LIMS1: variants seen among roughly 807,000 people sequenced by gnomAD.
The protein encoded by LIMS1 is LIM zinc finger domain containing 1, also known as LIM and senescent cell antigen-like-containing domain protein 1.
A neutral mutation model predicts 44.1 loss-of-function variants in LIMS1; 18 were observed. That is an observed-to-expected ratio of 0.41 (90% CI 0.28 to 0.61). The LOEUF (loss-of-function observed/expected upper bound fraction) is 0.61, where lower values mean the gene tolerates loss of function less well. Ranked by LOEUF, LIMS1 falls within the 20% of genes least tolerant of loss-of-function variation. LIMS1 has a pLI of 0.32. For missense variants in LIMS1, 201 were observed against 422.0 expected (o/e 0.48, Z 4.59); for synonymous variants, 93 against 149.1 (o/e 0.62, Z 2.74).
At chr2:108,635,499 A>G (rs1245978884) in intron 1 of LIMS1, among the ~76,000 whole-genome samples, 1 of 150,402 alleles carries the variant, frequency 6.6e-6, no homozygotes, top group Non-Finnish European at 1.5e-5. Flanking sequence ...GGTGGAATTC[A>G]AGACCAGCCT....
intron 5 of LIMS1, chr2:108,673,457 G>C (rs1692278792): frequency 4.2e-6 from 1 of 235,676 alleles, no homozygotes. Context: ...GGCAATCAGA[G>C]CTCACTGCAG....
chr2:108,664,418 A>T (rs1316305300), intron 2 of LIMS1, among the ~76,000 whole-genome samples: 1 of 152,206 alleles, frequency 6.6e-6, no homozygotes, highest in Non-Finnish European at 1.5e-5. Context: ...CCCCACACAG[A>T]GCGACCCATT....
At chr2:108,686,339 T>C (rs1156864414) in exon 10 of LIMS1, 3 of 151,028 alleles carry the variant, frequency 2.0e-5, no homozygotes, top group Non-Finnish European at 4.4e-5. Flanking sequence ...AATAAATAAA[T>C]TATGAATGAG....
chr2:108,597,227 C>CT lies in LIMS1; in HGVS notation c.33-62369dup, dbSNP rs1250176547. 4.6e-5 allele frequency among the ~76,000 whole-genome samples: 7 copies of CT among 151,244 alleles called. No individual in the cohort carries two copies. In the South Asian group the frequency reaches 6.3e-4, roughly 14 times the overall value. ...CTTGGTCAAAACATCTTAATTTGAC[C>CT]TTTTTTTTTATTCACAGACCACTTT... On this transcript the variant is annotated intron_variant, in intron 1 of 9. Transcript: ENST00000544547.
At chr2:108,639,707 T>C (rs1293176231) in intron 1 of LIMS1, among the ~76,000 whole-genome samples, 1 of 152,174 alleles carries the variant, frequency 6.6e-6, no homozygotes, top group Non-Finnish European at 1.5e-5. Flanking sequence ...CACTTTGGCC[T>C]CCCAAAGTGC....
At chr2:108,671,563 G>A (rs1005094085) in intron 3 of LIMS1, among the ~76,000 whole-genome samples, 12 of 152,160 alleles carry the variant, frequency 7.9e-5, no homozygotes, top group African/African-American at 2.9e-4. Context: ...TTGCTTGCAC[G>A]TTGGCCACTT....
At chr2:108,637,863 AT>A (rs11312101) in intron 1 of LIMS1, among the ~76,000 whole-genome samples, 84,588 of 143,776 alleles carry the variant, frequency 0.59, 25,326 homozygotes, top group African/African-American at 0.71. Flanking sequence ...AAATTTTAAG[AT>A]TTTTTTTTTT....
At chr2:108,552,208 A>G (rs1684769053) in intron 1 of LIMS1, among the ~76,000 whole-genome samples, 1 of 144,476 alleles carries the variant, frequency 6.9e-6, no homozygotes. Flanking sequence ...AAAATATACA[A>G]TATATAATAC....
chr2:108,612,053 C>CAT (rs113417984), intron 1 of LIMS1, among the ~76,000 whole-genome samples: 125 of 89,288 alleles, frequency 1.4e-3, no homozygotes, highest in Middle Eastern at 5.2e-3. Context: ...CACACACACA[C>CAT]ATATATATAT....
intron 1 of LIMS1, among the ~76,000 whole-genome samples, chr2:108,601,458 A>G (rs1687011871): frequency 6.6e-6 from 1 of 152,160 alleles, no homozygotes; most frequent in Non-Finnish European, 1.5e-5. Context: ...GACTGGGCTT[A>G]AGGAACACAA....
At chr2:108,627,913 C>T (rs1688672833) in intron 1 of LIMS1, among the ~76,000 whole-genome samples, 1 of 152,162 alleles carries the variant, frequency 6.6e-6, no homozygotes, top group African/African-American at 2.4e-5. Context: ...CTAGGGCTGC[C>T]ATCACCAAGT....
intron 1 of LIMS1, among the ~76,000 whole-genome samples, chr2:108,617,416 A>C (rs1200201049): frequency 1.3e-5 from 2 of 152,208 alleles, no homozygotes; most frequent in Non-Finnish European, 2.9e-5. Context: ...TAGTCTCACC[A>C]AGAAAGTAAA....
intron 2 of LIMS1, among the ~76,000 whole-genome samples, chr2:108,669,897 TA>T (rs1308998586): frequency 1.3e-5 from 2 of 152,188 alleles, no homozygotes; most frequent in African/African-American, 2.4e-5. Context: ...AAACATAGTA[TA>T]AAAAAATTAA....
intron 8 of LIMS1, among the ~76,000 whole-genome samples, chr2:108,679,732 C>G (rs897790618): frequency 1.3e-4 from 19 of 146,910 alleles, no homozygotes; most frequent in Non-Finnish European, 2.8e-4. Flanking sequence ...GCCTGGGCAA[C>G]AGAGCAAGAC....
At chr2:108,647,530 A>G (rs1275725406) in intron 1 of LIMS1, among the ~76,000 whole-genome samples, 1 of 152,246 alleles carries the variant, frequency 6.6e-6, no homozygotes, top group South Asian at 2.1e-4. Context: ...ATTTCAGGCC[A>G]ATATCCCTGA....
intron 1 of LIMS1, among the ~76,000 whole-genome samples, chr2:108,617,769 A>G (rs1339218228): frequency 1.3e-5 from 2 of 152,180 alleles, no homozygotes; most frequent in East Asian, 1.9e-4. Context: ...TTACCAAGCC[A>G]TATGTGCAAA....
chr2:108,683,474 A>G (rs1485227838), intron 9 of LIMS1, among the ~76,000 whole-genome samples: 2 of 147,036 alleles, frequency 1.4e-5, no homozygotes, highest in African/African-American at 5.0e-5. Context: ...TCCAGGAGTT[A>G]GAGGCTGCAG....
chr2:108,678,075 C>T (rs1304159839), intron 8 of LIMS1, 48 bp downstream of exon 8: 1 of 1,607,928 alleles, frequency 6.2e-7, no homozygotes, highest in African/African-American at 1.3e-5. Flanking sequence ...GACACAAAAA[C>T]ACTTGGGTAA....
chr2:108,651,316 G>A (rs1408577041), intron 1 of LIMS1, among the ~76,000 whole-genome samples: 5 of 152,212 alleles, frequency 3.3e-5, no homozygotes, highest in Non-Finnish European at 7.3e-5. Context: ...ATGGGAAGGT[G>A]ATCTATAGAG....
Sources: allele counts gnomAD v4.1 joint callset (sites outside exome capture counted in the v4.1 genomes callset), GRCh38; gene constraint gnomAD v4.1.1; transcripts MANE v1.5; gene names NCBI Gene and HGNC (gene_info 2026-07-23, HGNC 2026-07-21).